SEC23IP: variants seen among roughly 807,000 people sequenced by gnomAD.
SEC23IP encodes the protein SEC23 interacting protein, also known as SEC23-interacting protein.
Under a neutral mutation model 113.4 loss-of-function variants are expected in SEC23IP, and 70 were observed. The observed-to-expected ratio is 0.62, with a 90% CI of 0.51 to 0.75. The LOEUF is 0.75. SEC23IP is among the 30% of genes least tolerant of loss of function. The pLI, the probability that SEC23IP is intolerant of heterozygous loss-of-function variation, is 0.00. For missense variants in SEC23IP, 1,160 were observed against 1,204.9 expected (o/e 0.96, Z 0.55); for synonymous variants, 398 against 421.0 (o/e 0.95, Z 0.67).
At chr10:119,924,426 C>CTT (rs35657557) in intron 12 of SEC23IP, among the ~76,000 whole-genome samples, 1 of 146,538 alleles carries the variant, frequency 6.8e-6, no homozygotes. Context: ...GAGATAACAC[C>CTT]TTTTTTTTTT....
At chr10:119,931,726 G>T (rs1855609261) in intron 15 of SEC23IP, among the ~76,000 whole-genome samples, 1 of 151,840 alleles carries the variant, frequency 6.6e-6, no homozygotes, top group South Asian at 2.1e-4. Flanking sequence ...CTAATTTTTT[G>T]TATTTTTAGT....
chr10:119,899,086 CT>C, intron 2 of SEC23IP, 127 bp downstream of exon 2: 1 of 822,462 alleles, frequency 1.2e-6, no homozygotes, highest in Non-Finnish European at 1.9e-6. Context: ...AGAGGGTATT[CT>C]TTGTAAGCTA....
At chr10:119,895,459 C>CTG (rs1854245760) in intron 1 of SEC23IP, among the ~76,000 whole-genome samples, 1 of 152,332 alleles carries the variant, frequency 6.6e-6, no homozygotes, top group East Asian at 1.9e-4. Flanking sequence ...GAAGAGCAGA[C>CTG]AGCCCTGCCC....
chr10:119,915,726 C>CTTTT (rs398046283), intron 7 of SEC23IP, 22 bp from the exon 8 acceptor site: 58 of 1,155,916 alleles, frequency 5.0e-5, no homozygotes, highest in South Asian at 4.0e-4. Context: ...TTTATTTTCT[C>CTTTT]TTTTTTTTTT....
intron 1 of SEC23IP, among the ~76,000 whole-genome samples, chr10:119,897,081 T>C (rs1235717279): frequency 2.6e-5 from 4 of 152,184 alleles, no homozygotes; most frequent in Non-Finnish European, 4.4e-5. Flanking sequence ...AGCCCGGAGC[T>C]TGGAATAAGG....
Position 119,942,134 on chromosome 10 carries a change from ATTTTT to A in SEC23IP, c.*1570_*1574del, listed in dbSNP as rs1415864675. On this transcript the variant is annotated 3_prime_UTR_variant, in exon 19 of 19. Transcript: ENST00000369075. ...ATACATTTCAATAAAATCCAATTTG[ATTTTT>A]CAACTTACATCTGATTTTTGTTTGT... The A allele has an allele frequency of 1.6e-4, 25 of 152,228 alleles. No individual in the cohort carries two copies. The highest frequency in any genetic ancestry group is 5.5e-4 in the African/African-American group (23 of 41,550). 9.4% of individuals were successfully genotyped at this position (152,228 alleles called of 1,614,324 possible).
At chr10:119,910,971 C>T (rs1854838424) in intron 5 of SEC23IP, among the ~76,000 whole-genome samples, 1 of 151,642 alleles carries the variant, frequency 6.6e-6, no homozygotes, top group African/African-American at 2.4e-5. Flanking sequence ...AGGTGTGAGC[C>T]AACACGCTTG....
intron 15 of SEC23IP, among the ~76,000 whole-genome samples, 188 bp from the exon 16 acceptor site, chr10:119,931,945 A>T (rs1272884296): frequency 6.6e-6 from 1 of 150,528 alleles, no homozygotes; most frequent in East Asian, 2.0e-4. Flanking sequence ...TAAAAAAAAA[A>T]GCAATAAGAC....
At chr10:119,920,748 A>G (rs1855228365) in intron 11 of SEC23IP, 141 bp from the exon 12 acceptor site, 1 of 538,324 alleles carries the variant, frequency 1.9e-6, no homozygotes, top group Non-Finnish European at 3.2e-6. Context: ...GCATGATTTA[A>G]ATACAAAATA....
Position 119,919,607 on chromosome 10 carries a change from T to C in SEC23IP, c.2025+11T>C. ...GATATGGAGTCCCTGGTACTGATCA[T>C]AGTTTGCTTCATTTTGTTTGAAATT... On this transcript the variant is annotated intron_variant, in intron 11 of 18. Transcript: ENST00000369075. 1.3e-6 allele frequency: 2 copies of C among 1,562,554 alleles called. No homozygotes were observed. The highest frequency in any genetic ancestry group is 1.2e-5 in the South Asian group (1 of 82,036).
intron 2 of SEC23IP, among the ~76,000 whole-genome samples, chr10:119,901,023 C>CT (rs34703745): frequency 0.25 from 19,431 of 78,498 alleles, 2,044 homozygotes; most frequent in South Asian, 0.52. Flanking sequence ...TTTTCTTCTT[C>CT]TTTTTTTTTT....
At chr10:119,925,078 C>T (rs1031643204) in intron 12 of SEC23IP, among the ~76,000 whole-genome samples, 1 of 152,184 alleles carries the variant, frequency 6.6e-6, no homozygotes, top group Admixed American at 6.5e-5. Flanking sequence ...TGCTGAAATG[C>T]ATAGATCTTC....
chr10:119,905,824 C>T (rs1040201528), intron 4 of SEC23IP, among the ~76,000 whole-genome samples: 1 of 151,862 alleles, frequency 6.6e-6, no homozygotes, highest in Non-Finnish European at 1.5e-5. Context: ...CATTCCTGTG[C>T]CATAGAAATA....
chr10:119,935,438 A>C (rs1267522520), intron 18 of SEC23IP, among the ~76,000 whole-genome samples: 3 of 152,024 alleles, frequency 2.0e-5, no homozygotes, highest in African/African-American at 7.2e-5. Flanking sequence ...TCCGGCCTGG[A>C]TGACAGAGTG....
chr10:119,933,324 A>G (rs1855669095), intron 17 of SEC23IP, among the ~76,000 whole-genome samples, 157 bp downstream of exon 17: 1 of 152,062 alleles, frequency 6.6e-6, no homozygotes, highest in African/African-American at 2.4e-5. Context: ...CCCCTTAGTT[A>G]CCCACAAGAT....
intron 14 of SEC23IP, 32 bp from the exon 15 acceptor site, chr10:119,930,292 ATTTCT>A: frequency 3.1e-6 from 4 of 1,299,570 alleles, no homozygotes; most frequent in East Asian, 2.4e-5. Flanking sequence ...GCTTTCATAA[ATTTCT>A]TTTATTTATT....
At chr10:119,913,346 G>C (rs939383678) in intron 6 of SEC23IP, among the ~76,000 whole-genome samples, 44 of 152,200 alleles carry the variant, frequency 2.9e-4, no homozygotes, top group African/African-American at 1.0e-3. Context: ...CTGGTGCGGG[G>C]ATTGCAGACT....
At chr10:119,897,268 C>T (rs1057372503) in intron 1 of SEC23IP, among the ~76,000 whole-genome samples, 3 of 152,138 alleles carry the variant, frequency 2.0e-5, no homozygotes, top group Non-Finnish European at 4.4e-5. Flanking sequence ...ATAAAAGTTT[C>T]GTAAGGAATA....
At chr10:119,906,837 G>A (rs61870596) in intron 4 of SEC23IP, among the ~76,000 whole-genome samples, 8,270 of 151,950 alleles carry the variant, frequency 0.054, 405 homozygotes, top group South Asian at 0.25. Flanking sequence ...CGGCCTCCCA[G>A]AGTGCTAGGA....
Sources: gnomAD v4.1 joint callset for allele counts (sites outside exome capture counted in the v4.1 genomes callset) on GRCh38, gnomAD v4.1.1 for gene constraint, MANE v1.5 for transcripts, NCBI Gene and HGNC (gene_info 2026-07-23, HGNC 2026-07-21) for gene names.